The following ANKH variants were observed in gnomAD, a reference collection of about 807,000 sequenced individuals.
ANKH encodes mineralization regulator ANKH.
A neutral mutation model predicts 49.0 loss-of-function variants in ANKH; 15 were observed. The ratio of observed to expected loss-of-function variants is 0.31; its 90% CI spans 0.20 to 0.47. The LOEUF (loss-of-function observed/expected upper bound fraction) is 0.47, where lower values mean the gene tolerates loss of function less well. Ranked by LOEUF, ANKH falls within the 20% of genes least tolerant of loss-of-function variation. ANKH has a pLI of 1.00. For missense variants in ANKH, 429 were observed against 652.0 expected (o/e 0.66, Z 3.72); for synonymous variants, 273 against 260.0 (o/e 1.05, Z -0.48).
chr5:14,859,509 A>T (rs1363422740), intron 1 of ANKH, among the ~76,000 whole-genome samples: 1 of 152,234 alleles, frequency 6.6e-6, no homozygotes, highest in African/African-American at 2.4e-5. Context: ...ATTATTTTAC[A>T]AACTCTCCAC....
At chr5:14,788,994 CG>C (rs1740069368) in intron 1 of ANKH, among the ~76,000 whole-genome samples, 1 of 152,108 alleles carries the variant, frequency 6.6e-6, no homozygotes, top group South Asian at 2.1e-4. Context: ...TTTGGGAGGC[CG>C]AGGCGGGTGG....
intron 1 of ANKH, among the ~76,000 whole-genome samples, chr5:14,847,497 G>A (rs982780698): frequency 1.4e-4 from 21 of 152,192 alleles, no homozygotes; most frequent in Non-Finnish European, 2.4e-4. Context: ...AAGTGTCGCC[G>A]TCGAGAAGGA....
chr5:14,771,305 T>C (rs1213028194), intron 1 of ANKH, among the ~76,000 whole-genome samples: 1 of 152,246 alleles, frequency 6.6e-6, no homozygotes, highest in Non-Finnish European at 1.5e-5. Flanking sequence ...ACACATCTGA[T>C]AGCAATAACT....
chr5:14,755,988 T>C, intron 3 of ANKH, 44 bp from the exon 4 acceptor site: 1 of 1,534,148 alleles, frequency 6.5e-7, no homozygotes, highest in Non-Finnish European at 9.0e-7. Flanking sequence ...ACCTTCAGGA[T>C]TATGCTGTTT....
chr5:14,797,070 C>A, intron 1 of ANKH: 1 of 1,318,840 alleles, frequency 7.6e-7, no homozygotes, highest in South Asian at 1.2e-5. Context: ...AAATCACTCT[C>A]GGGGTTGAGA....
intron 2 of ANKH, among the ~76,000 whole-genome samples, chr5:14,760,007 G>A (rs1281038159): frequency 6.6e-6 from 1 of 152,150 alleles, no homozygotes; most frequent in East Asian, 1.9e-4. Context: ...TGGTTTCAAG[G>A]TGTGGGAAGC....
chr5:14,857,678 C>G (rs549572995), intron 1 of ANKH, among the ~76,000 whole-genome samples: 196 of 152,090 alleles, frequency 1.3e-3, no homozygotes, highest in Non-Finnish European at 2.0e-3. Flanking sequence ...GAAAAAAAAA[C>G]TTAATAGATC....
At chr5:14,767,621 C>G (rs1225027352) in intron 2 of ANKH, among the ~76,000 whole-genome samples, 1 of 152,160 alleles carries the variant, frequency 6.6e-6, no homozygotes, top group Non-Finnish European at 1.5e-5. Context: ...TCCAGAATTA[C>G]TGACAACTGA....
chr5:14,791,259 C>T (rs1006484425), intron 1 of ANKH, among the ~76,000 whole-genome samples: 3 of 152,042 alleles, frequency 2.0e-5, no homozygotes, highest in South Asian at 2.1e-4. Context: ...CTGGGGTGGG[C>T]GCATGAGCTC....
chr5:14,816,573 C>T (rs759057958), intron 1 of ANKH, among the ~76,000 whole-genome samples: 2 of 152,256 alleles, frequency 1.3e-5, no homozygotes, highest in Middle Eastern at 3.4e-3. Context: ...GTAAAAGCCT[C>T]GGAGATGACT....
intron 1 of ANKH, among the ~76,000 whole-genome samples, chr5:14,771,948 C>CAAAAAAAAAA (rs1307001366): frequency 7.9e-6 from 1 of 126,282 alleles, no homozygotes; most frequent in African/African-American, 3.2e-5. Flanking sequence ...AAAAAAAAAA[C>CAAAAAAAAAA]CAAAACAAAA....
intron 6 of ANKH, 67 bp downstream of exon 6, chr5:14,749,105 T>A: frequency 6.2e-7 from 1 of 1,605,592 alleles, no homozygotes; most frequent in East Asian, 2.2e-5. Flanking sequence ...GAACTGGAAA[T>A]CAGTTTCAGC....
At chr5:14,863,213 CTA>C (rs1218235583) in intron 1 of ANKH, among the ~76,000 whole-genome samples, 5 of 152,184 alleles carry the variant, frequency 3.3e-5, no homozygotes, top group East Asian at 1.9e-4. Flanking sequence ...GGCACATAGC[CTA>C]TAAAAAAATT....
intron 8 of ANKH, chr5:14,717,041 AC>A: frequency 1.7e-6 from 1 of 584,026 alleles, no homozygotes; most frequent in Non-Finnish European, 3.1e-6. Context: ...CCATGTCTGT[AC>A]CCAGGGGACC....
intron 1 of ANKH, among the ~76,000 whole-genome samples, chr5:14,866,722 C>CG (rs1735656263): frequency 6.6e-6 from 1 of 152,082 alleles, no homozygotes; most frequent in African/African-American, 2.4e-5. Flanking sequence ...TTCATCCCCC[C>CG]TTGACCAAAA....
intron 1 of ANKH, among the ~76,000 whole-genome samples, chr5:14,847,216 AAGAG>A (rs983022904): frequency 2.0e-5 from 3 of 152,184 alleles, no homozygotes; most frequent in Admixed American, 6.5e-5. Context: ...GGGGAAAAGA[AAGAG>A]AGAAAAGTTG....
At position 14,852,252 on chromosome 5, in the gene ANKH, A is replaced by G. The variant is rs1053560242; in HGVS notation, c.96+19100T>C. 2.6e-5 allele frequency among the ~76,000 whole-genome samples: 4 copies of G among 152,244 alleles called. No individual in the cohort carries two copies. In the South Asian group the frequency reaches 8.3e-4, roughly 31 times the overall value. On this transcript the variant is annotated intron_variant, in intron 1 of 11. Transcript: ENST00000284268. ...AGCAGTGATTGTGCCACTGCACTCC[A>G]GCCTGGGTGACAGTGAGATCTTGTC... is the stretch of plus-strand genomic sequence containing the variant.
chr5:14,740,665 G>A (rs1041208271), intron 8 of ANKH, among the ~76,000 whole-genome samples: 3 of 152,190 alleles, frequency 2.0e-5, no homozygotes, highest in East Asian at 3.9e-4. Context: ...TTGGATCAAC[G>A]GATCAAATAC....
At chr5:14,816,177 T>C (rs1741030670) in intron 1 of ANKH, among the ~76,000 whole-genome samples, 1 of 152,226 alleles carries the variant, frequency 6.6e-6, no homozygotes, top group Non-Finnish European at 1.5e-5. Context: ...TTTTCTTTAA[T>C]TTGTTGATCT....
Sources: gnomAD v4.1 joint callset for allele counts (sites outside exome capture counted in the v4.1 genomes callset) on GRCh38, gnomAD v4.1.1 for gene constraint, MANE v1.5 for transcripts, NCBI Gene and HGNC (gene_info 2026-07-23, HGNC 2026-07-21) for gene names.